The following ACMSD variants were observed in gnomAD, a reference collection of about 807,000 sequenced individuals.
ACMSD encodes aminocarboxymuconate semialdehyde decarboxylase.
In ACMSD, 37 loss-of-function variants were observed where a neutral mutation model predicts 45.9. That is an observed-to-expected ratio of 0.81 (90% CI 0.62 to 1.06). The LOEUF is 1.06. ACMSD is among the 50% of genes least tolerant of loss of function. The probability of loss-of-function intolerance (pLI) is 0.00; values close to 1 mark genes in which losing one functional copy is unlikely to be tolerated. For synonymous variants in ACMSD, 138 were observed against 148.8 expected (o/e 0.93, Z 0.53); for missense variants, 434 against 420.9 (o/e 1.03, Z -0.27).
At chr2:134,863,367 G>A (rs768910232) in intron 4 of ACMSD, 28 bp from the exon 5 acceptor site, 1 of 1,598,428 alleles carries the variant, frequency 6.3e-7, no homozygotes, top group East Asian at 2.2e-5. Flanking sequence ...TTTCAACAAT[G>A]CGGTTTTCCC....
At chr2:134,840,497 G>C (rs6732020) in intron 1 of ACMSD, among the ~76,000 whole-genome samples, 9,556 of 152,200 alleles carry the variant, frequency 0.063, 473 homozygotes, top group African/African-American at 0.14. Context: ...GCAGCCTTCT[G>C]GAGGTGATTA....
At chr2:134,901,594 C>G (rs1020394902) in intron 9 of ACMSD, among the ~76,000 whole-genome samples, 1 of 151,874 alleles carries the variant, frequency 6.6e-6, no homozygotes, top group African/African-American at 2.4e-5. Flanking sequence ...CTTCTCTCCC[C>G]CTACAATCAA....
chr2:134,892,575 C>T (rs1371378442), intron 8 of ACMSD, among the ~76,000 whole-genome samples: 1 of 152,136 alleles, frequency 6.6e-6, no homozygotes, highest in Non-Finnish European at 1.5e-5. Flanking sequence ...TAATTAAGTA[C>T]TTTCCTTTCA....
chr2:134,860,372 T>C (rs1331838495), intron 3 of ACMSD, among the ~76,000 whole-genome samples: 1 of 152,174 alleles, frequency 6.6e-6, no homozygotes, highest in African/African-American at 2.4e-5. Context: ...GAGAACATGC[T>C]CCAAGAAAAT....
In ACMSD at chr2:134,840,167, C is replaced by CAAAAAAAAAAAAAAAAAAAAAAA. The variant is rs1158518481; in HGVS notation, c.57+1432_57+1454dup. On this transcript the variant is annotated intron_variant, in intron 1 of 9. Transcript: ENST00000356140. ...TAAAATAGCCATAAACTATACCTAG[C>CAAAAAAAAAAAAAAAAAAAAAAA]AAAAAAAAAAAAAAAAAAAAAAAAA... Among the ~76,000 whole-genome samples the CAAAAAAAAAAAAAAAAAAAAAAA allele has an allele frequency of 2.4e-3, 57 of 23,434 alleles. 12 individuals are homozygous for CAAAAAAAAAAAAAAAAAAAAAAA. Among genetic ancestry groups the CAAAAAAAAAAAAAAAAAAAAAAA allele is most frequent in the Non-Finnish European group, 3.4e-3 (41 of 12,060 alleles). 15.4% of individuals were successfully genotyped at this position (23,434 alleles called of 152,430 possible).
intron 2 of ACMSD, among the ~76,000 whole-genome samples, chr2:134,846,971 A>G (rs1263337201): frequency 1.3e-5 from 2 of 152,202 alleles, no homozygotes; most frequent in Non-Finnish European, 2.9e-5. Context: ...GTGGGGGAAC[A>G]GCAGTTGCAA....
chr2:134,846,539 G>A (rs1687058709), intron 2 of ACMSD, among the ~76,000 whole-genome samples: 1 of 152,120 alleles, frequency 6.6e-6, no homozygotes, highest in Non-Finnish European at 1.5e-5. Context: ...AAGTAGCTGA[G>A]ACTACAGGTA....
At chr2:134,897,033 A>T (rs1252922392) in intron 8 of ACMSD, among the ~76,000 whole-genome samples, 1 of 152,090 alleles carries the variant, frequency 6.6e-6, no homozygotes, top group Non-Finnish European at 1.5e-5. Context: ...GATGAAAAAA[A>T]TTTTTTTAAA....
chr2:134,871,065 G>A lies in ACMSD; in HGVS notation c.676+5G>A. 1 of 1,612,740 alleles carries A rather than the reference G, an allele frequency of 6.2e-7. No homozygotes were observed. Among genetic ancestry groups the A allele is most frequent in the Non-Finnish European group, 8.5e-7 (1 of 1,178,832 alleles). ...AAGTGTGTTTCGCACATGGTGGTAA[G>A]ACCCTATCTTTATTAGTCAGCTCAG... is the stretch of plus-strand genomic sequence containing the variant. On this transcript the variant is annotated splice_donor_5th_base_variant and intron_variant, in intron 7 of 9. Transcript: ENST00000356140.
intron 2 of ACMSD, among the ~76,000 whole-genome samples, chr2:134,854,518 G>A (rs1010078071): frequency 4.6e-5 from 7 of 152,186 alleles, no homozygotes. Context: ...TGCCTCTGCT[G>A]CTCCAGTCAT....
intron 3 of ACMSD, among the ~76,000 whole-genome samples, chr2:134,861,526 A>G (rs1490265963): frequency 6.6e-6 from 1 of 152,150 alleles, no homozygotes; most frequent in Non-Finnish European, 1.5e-5. Context: ...GATTCTTGGC[A>G]TCCTGGATGC....
At chr2:134,892,268 C>G (rs1376564718) in intron 8 of ACMSD, among the ~76,000 whole-genome samples, 5 of 151,728 alleles carry the variant, frequency 3.3e-5, no homozygotes, top group Non-Finnish European at 1.5e-5. Context: ...AACAGTGTAA[C>G]TCATTTAGGG....
In ACMSD at chr2:134,881,373, A is replaced by G. The variant is rs934448062; in HGVS notation, c.849+8732A>G. 2.0e-4 allele frequency among the ~76,000 whole-genome samples: 31 copies of G among 152,338 alleles called. 1 individual carries two copies. The highest frequency in any genetic ancestry group is 4.4e-5 in the Non-Finnish European group (3 of 68,034). The stretch of plus-strand genomic sequence containing the variant: ...ATAGAAAGTATTTTTATTTTGTAGT[A>G]AAAGAAACGGTTCACTTTTAGGAGC... On this transcript the variant is annotated intron_variant, in intron 8 of 9. Coordinates refer to ENST00000356140, the MANE Select transcript of ACMSD (RefSeq NM_138326.3).
At chr2:134,848,329 G>C (rs1023073831) in intron 2 of ACMSD, among the ~76,000 whole-genome samples, 1 of 152,158 alleles carries the variant, frequency 6.6e-6, no homozygotes, top group Admixed American at 6.5e-5. Context: ...GGTATTTCTG[G>C]TTCTAGATCC....
At chr2:134,850,853 G>A (rs1357323847) in intron 2 of ACMSD, among the ~76,000 whole-genome samples, 1 of 152,138 alleles carries the variant, frequency 6.6e-6, no homozygotes, top group East Asian at 1.9e-4. Context: ...TGTATCAAGT[G>A]ACGCTGAGGT....
At chr2:134,860,266 A>C (rs1179605686) in intron 3 of ACMSD, among the ~76,000 whole-genome samples, 1 of 152,220 alleles carries the variant, frequency 6.6e-6, no homozygotes, top group African/African-American at 2.4e-5. Flanking sequence ...CTGTCTCAAA[A>C]CAAAACAAAA....
intron 9 of ACMSD, among the ~76,000 whole-genome samples, 195 bp downstream of exon 9, chr2:134,898,634 T>C (rs779331778): frequency 1.1e-4 from 16 of 152,110 alleles, no homozygotes; most frequent in African/African-American, 3.9e-4. Flanking sequence ...AAAGTCAGCC[T>C]AGTACAACTA....
At chr2:134,888,279 A>G (rs1689571549) in intron 8 of ACMSD, among the ~76,000 whole-genome samples, 1 of 152,220 alleles carries the variant, frequency 6.6e-6, no homozygotes, top group African/African-American at 2.4e-5. Context: ...GGTGCTCAAC[A>G]TCATTAGTTC....
chr2:134,877,980 T>G (rs747963291), intron 8 of ACMSD, among the ~76,000 whole-genome samples: 1 of 152,124 alleles, frequency 6.6e-6, no homozygotes, highest in Non-Finnish European at 1.5e-5. Flanking sequence ...CAAAACACCC[T>G]CACCCCTACC....
Sources: allele counts gnomAD v4.1 joint callset (sites outside exome capture counted in the v4.1 genomes callset), GRCh38; gene constraint gnomAD v4.1.1; transcripts MANE v1.5; gene names NCBI Gene and HGNC (gene_info 2026-07-23, HGNC 2026-07-21).